The following COL12A1 variants were observed in gnomAD, a reference collection of about 807,000 sequenced individuals.
COL12A1 encodes the protein collagen type XII alpha 1 chain, also known as collagen alpha-1(XII) chain.
COL12A1 carries 114 observed loss-of-function variants against 349.7 expected under a neutral mutation model. The observed-to-expected ratio is 0.33, with a 90% CI of 0.28 to 0.38. The LOEUF is 0.38. Ranked by LOEUF, COL12A1 falls within the 10% of genes least tolerant of loss-of-function variation. The probability of loss-of-function intolerance (pLI) is 1.00; values close to 1 mark genes in which losing one functional copy is unlikely to be tolerated. For synonymous variants in COL12A1, 1,369 were observed against 1,329.0 expected (o/e 1.03, Z -0.66); for missense variants, 3,284 against 3,756.9 (o/e 0.87, Z 3.29).
chr6:75,142,102 C>T lies in COL12A1; in HGVS notation c.4887G>A (p.Leu1629=). 1 of 1,614,108 alleles carries T rather than the reference C, an allele frequency of 6.2e-7. No individual in the cohort carries two copies. The highest frequency in any genetic ancestry group is 8.5e-7 in the Non-Finnish European group (1 of 1,179,986). The change falls in exon 27 of 66, where the codon TTG becomes TTA. Residue 1629 remains leucine, a synonymous_variant. Transcript: ENST00000322507. ...TSLKDLFSQT[L]YTVSVSAVHD... is the part of the protein sequence containing the mutation. ...GTACTGCAGAAACGCTGACTGTGTA[C>T]AAGGTCTGTGAGAAGAGGTCTTTGA...
At chr6:75,156,074 T>C (rs186536998) in intron 15 of COL12A1, among the ~76,000 whole-genome samples, 183 bp downstream of exon 15, 1 of 152,314 alleles carries the variant, frequency 6.6e-6, no homozygotes, top group Admixed American at 6.5e-5. Flanking sequence ...CATTAATATG[T>C]AGAATCATTT....
At position 75,154,956 on chromosome 6, in the gene COL12A1, A is replaced by T. The variant is rs547614417; in HGVS notation, c.3444-419T>A. Among the ~76,000 whole-genome samples the T allele has an allele frequency of 5.9e-5, 9 of 152,334 alleles. No individual in the cohort carries two copies. The East Asian group carries it at 1.7e-3, about 29-fold the overall frequency. On this transcript the variant is annotated intron_variant, in intron 16 of 65. Coordinates refer to ENST00000322507, the MANE Select transcript of COL12A1 (RefSeq NM_004370.6). ...CAATGCCTAACACAATGCCTGACAC[A>T]TAGTAAGCTCAATAAATTTTATACT...
At chr6:75,177,207 C>T (rs1350404840) in intron 12 of COL12A1, among the ~76,000 whole-genome samples, 8 of 152,068 alleles carry the variant, frequency 5.3e-5, no homozygotes, top group Non-Finnish European at 1.2e-4. Flanking sequence ...GAGGCCATGT[C>T]GGCCAGATCA....
chr6:75,124,726 A>G (rs536228881), intron 40 of COL12A1, among the ~76,000 whole-genome samples: 2 of 152,284 alleles, frequency 1.3e-5, no homozygotes, highest in African/African-American at 4.8e-5. Flanking sequence ...TGTGGACTGA[A>G]TCACACTAAT....
chr6:75,114,856 T>C (rs945893283), intron 49 of COL12A1, among the ~76,000 whole-genome samples: 1 of 152,138 alleles, frequency 6.6e-6, no homozygotes, highest in Non-Finnish European at 1.5e-5. Flanking sequence ...TTCTTTCCTT[T>C]CAGCCAAAAG....
rs758984489 is a variant in COL12A1, at chr6:75,085,372, G to A, written c.*1175C>T. ...CCCTCGGGCACGTAAGGCTCTGTCC[G>A]ATTCAACATTACAATTATGGCATGA... On this transcript the variant is annotated 3_prime_UTR_variant, in exon 66 of 66. Transcript: ENST00000322507. 1 of 469,488 alleles carries A rather than the reference G, an allele frequency of 2.1e-6. No individual in the cohort carries two copies. 29.1% of individuals were successfully genotyped at this position (469,488 alleles called of 1,614,324 possible). A position where few individuals can be genotyped will look rare whatever the true frequency, so the allele number is the denominator to read the frequency against.
chr6:75,142,832 G>A (rs1478811731), intron 26 of COL12A1, among the ~76,000 whole-genome samples: 2 of 152,126 alleles, frequency 1.3e-5, no homozygotes, highest in Non-Finnish European at 2.9e-5. Flanking sequence ...TCCTTTCTCT[G>A]TGTCCTTCTC....
chr6:75,130,304 G>C, intron 36 of COL12A1, 71 bp from the exon 37 acceptor site: 1 of 1,485,478 alleles, frequency 6.7e-7, no homozygotes, highest in Non-Finnish European at 9.1e-7. Flanking sequence ...TAAGGAGGTT[G>C]CTTGCATGTG....
Position 75,109,150 on chromosome 6 carries a change from G to T in COL12A1, c.7968C>A (p.Thr2656=), listed in dbSNP as rs771018585. The T allele has an allele frequency of 6.3e-7, 1 of 1,589,622 alleles. No individual in the cohort carries two copies. The highest frequency in any genetic ancestry group is 2.2e-5 in the East Asian group (1 of 44,530). ...CAATGTAAATCTTAACACTTTTTGA[G>T]GTCACTACAATATGAACCTAAAAAG... The part of the protein sequence containing the change: ...GSFHKVHIVV[T]SKSVKIYIDC... Residue 2656 remains threonine (T), a synonymous_variant, in exon 52 of 66, where the codon ACC becomes ACA. Transcript: ENST00000322507.
chr6:75,097,004 A>C (rs897564769), intron 59 of COL12A1, among the ~76,000 whole-genome samples: 3 of 152,124 alleles, frequency 2.0e-5, no homozygotes, highest in African/African-American at 7.2e-5. Flanking sequence ...GGCACCAACC[A>C]GCTGGTAGCC....
Position 75,085,755 on chromosome 6 carries a change from A to G in COL12A1, c.*792T>C, listed in dbSNP as rs1449714020. 1 of 212,344 alleles carries G rather than the reference A, an allele frequency of 4.7e-6. No individual in the cohort carries two copies. The highest frequency in any genetic ancestry group is 9.8e-6 in the Non-Finnish European group (1 of 102,106). The allele number at this position is 212,344 out of a possible 1,614,324, so 13.2% of individuals were successfully genotyped here. A position where few individuals can be genotyped will look rare whatever the true frequency, so the allele number is the denominator to read the frequency against. ...AGATGAGGAGGTGAGGGGAAGTTTCATTGGCTCCTAGAAACTGAACTCGGG... is the reference window on the plus strand; with the variant it reads ...AGATGAGGAGGTGAGGGGAAGTTTCGTTGGCTCCTAGAAACTGAACTCGGG... On this transcript the variant is annotated 3_prime_UTR_variant, in exon 66 of 66. Transcript: ENST00000322507.
At chr6:75,132,166 C>T in intron 34 of COL12A1, 84 bp from the exon 35 acceptor site, 1 of 1,481,448 alleles carries the variant, frequency 6.8e-7, no homozygotes, top group Non-Finnish European at 9.2e-7. Flanking sequence ...AACCTACATT[C>T]TGTAACAGGA....
intron 14 of COL12A1, among the ~76,000 whole-genome samples, chr6:75,159,603 G>T (rs1187916174): frequency 6.6e-6 from 1 of 151,482 alleles, no homozygotes; most frequent in Non-Finnish European, 1.5e-5. Flanking sequence ...AAGTTGATGG[G>T]TGTCTAACAG....
rs1236721844 is a variant in COL12A1, at chr6:75,181,199, G to T, written c.1904C>A (p.Pro635Gln). 1 of 1,589,598 alleles carries T rather than the reference G, an allele frequency of 6.3e-7. No homozygotes were observed. Among genetic ancestry groups the T allele is most frequent in the African/African-American group, 1.5e-5 (1 of 67,408 alleles). The change falls in exon 11 of 66, where the codon CCA becomes CAA. Residue 635 changes from proline (P) to glutamine (Q), a missense_variant. Pro to Gln is a moderately conservative substitution (Grantham distance 76). Coordinates refer to ENST00000322507, the MANE Select transcript of COL12A1 (RefSeq NM_004370.6). ...AAIKKKAYVP[P>Q]KDLSFSEVTS... The stretch of plus-strand genomic sequence containing the variant: ...CACTTCTGAAAAACTAAGATCCTTT[G>T]GAGGGACGTAAGCTATTTAAAAAAA...
chr6:75,147,729 A>T lies in COL12A1; in HGVS notation c.4363T>A (p.Tyr1455Asn), dbSNP rs764684629. Residue 1455 changes from tyrosine (Y) to asparagine (N), a missense_variant, in exon 23 of 66, where the codon TAT (tyrosine) becomes AAT (asparagine). Physicochemically the swap from Tyr to Asn is moderately radical, Grantham distance 143. Around this residue, in one of 2 missense-constraint regions of COL12A1, gnomAD observed 2,601 missense variants for 2,824.8 expected, o/e 0.92. Coordinates refer to ENST00000322507, the MANE Select transcript of COL12A1 (RefSeq NM_004370.6). ...KPETEYVVNV[Y>N]SVVEDEYSEP... ...CTATATTCATCTTCTACCACAGAATACACATTGACAACATATTCAGTTTCA... is the reference window on the plus strand; with the variant it reads ...CTATATTCATCTTCTACCACAGAATTCACATTGACAACATATTCAGTTTCA... 3.1e-6 allele frequency: 5 copies of T among 1,613,574 alleles called. No homozygotes were observed. The South Asian group carries it at 5.5e-5, about 18-fold the overall frequency.
At chr6:75,137,316 A>G (rs898294312) in intron 31 of COL12A1, 121 bp downstream of exon 31, 2 of 900,292 alleles carry the variant, frequency 2.2e-6, no homozygotes, top group African/African-American at 3.4e-5. Context: ...ATTCCATCCA[A>G]TGCGATAAAT....
At chr6:75,123,821 C>T in intron 42 of COL12A1, 127 bp downstream of exon 42, 1 of 989,418 alleles carries the variant, frequency 1.0e-6, no homozygotes, top group Non-Finnish European at 1.4e-6. Flanking sequence ...CAGGAATCTG[C>T]CATCATCCCA....
chr6:75,109,133 A>G lies in COL12A1; in HGVS notation c.7985T>C (p.Ile2662Thr). 1 of 1,602,470 alleles carries G rather than the reference A, an allele frequency of 6.2e-7. No individual in the cohort carries two copies. Among genetic ancestry groups the G allele is most frequent in the Non-Finnish European group, 8.5e-7 (1 of 1,171,328 alleles). The change falls in exon 52 of 66, where the codon ATT becomes ACT. Residue 2662 changes from isoleucine (I) to threonine (T), a missense_variant. Ile to Thr is a moderately conservative substitution (Grantham distance 89). This residue lies in a region of COL12A1 where 683 missense variants were observed against 932.1 expected (regional missense o/e 0.73). Transcript: ENST00000322507. ...HIVVTSKSVK[I>T]YIDCYEIIEK... ...TATAATTTCATAGCAGTCAATGTAA[A>G]TCTTAACACTTTTTGAGGTCACTAC...
At chr6:75,173,835 G>A (rs1768770394) in intron 13 of COL12A1, among the ~76,000 whole-genome samples, 1 of 152,084 alleles carries the variant, frequency 6.6e-6, no homozygotes, top group Admixed American at 6.6e-5. Flanking sequence ...ATTTTGCTTA[G>A]TCACTGTGAT....
Sources: gnomAD v4.1 joint callset for allele counts (sites outside exome capture counted in the v4.1 genomes callset) on GRCh38, gnomAD v4.1.1 for gene constraint, gnomAD v4.1.1 regional missense constraint, MANE v1.5 for transcripts, NCBI Gene and HGNC (gene_info 2026-07-23, HGNC 2026-07-21) for gene names.